Variants in ARPP21 observed in about 807,000 individuals in gnomAD.
ARPP21 encodes the protein cAMP regulated phosphoprotein 21.
A neutral mutation model predicts 113.2 loss-of-function variants in ARPP21; 69 were observed. The ratio of observed to expected loss-of-function variants is 0.61; its 90% confidence interval spans 0.50 to 0.74. ARPP21 has a LOEUF of 0.74. Among genes scored for constraint, ARPP21 ranks in the 30% least tolerant of loss-of-function variants. The pLI, the probability that ARPP21 is intolerant of heterozygous loss-of-function variation, is 0.00. For synonymous variants in ARPP21, 368 were observed against 375.5 expected, an observed-to-expected ratio of 0.98 and a Z score of 0.23; for missense variants, 1,070 against 1,037.4, an observed-to-expected ratio of 1.03 and a Z score of -0.43.
chr3:35,685,330 TG>T (rs2080223638), intron 5 of ARPP21: 2 of 985,190 alleles, frequency 2.0e-6, no homozygotes, highest in Admixed American at 1.2e-4. Flanking sequence ...AGACTAGCTT[TG>T]TAGGAGAGAA....
chr3:35,693,831 A>C (rs960176791), intron 9 of ARPP21, among the ~76,000 whole-genome samples: 1 of 151,646 alleles, frequency 6.6e-6, no homozygotes, highest in African/African-American at 2.4e-5. Context: ...TGAGAATCCC[A>C]TGTGAGTTTT....
At chr3:35,644,772 C>T (rs1699537734) in intron 1 of ARPP21, among the ~76,000 whole-genome samples, 1 of 151,874 alleles carries the variant, frequency 6.6e-6, no homozygotes, top group Non-Finnish European at 1.5e-5. Context: ...TTTTAGTCAC[C>T]AGTATAGATC....
intron 6 of ARPP21, among the ~76,000 whole-genome samples, chr3:35,688,930 A>G (rs1489117913): frequency 6.7e-6 from 1 of 148,690 alleles, no homozygotes; most frequent in Non-Finnish European, 1.5e-5. Context: ...GTTCCATGGG[A>G]TCTCAAACTC....
chr3:35,754,748 C>T (rs2095517638), intron 19 of ARPP21, among the ~76,000 whole-genome samples: 1 of 151,934 alleles, frequency 6.6e-6, no homozygotes, highest in African/African-American at 2.4e-5. Context: ...TTGTTCAGCA[C>T]ATTTGCAGTA....
chr3:35,717,201 A>T, intron 12 of ARPP21, 97 bp from the exon 13 acceptor site: 1 of 673,310 alleles, frequency 1.5e-6, no homozygotes, highest in East Asian at 2.5e-5. Context: ...TTTGTATGGG[A>T]TTGATTTGTG....
chr3:35,720,819 A>C (rs2092984821), intron 13 of ARPP21, among the ~76,000 whole-genome samples: 1 of 151,750 alleles, frequency 6.6e-6, no homozygotes, highest in East Asian at 1.9e-4. Flanking sequence ...CAATACATTT[A>C]CTCTTTTTTC....
At chr3:35,654,002 G>A (rs903814094) in intron 1 of ARPP21, among the ~76,000 whole-genome samples, 1 of 151,802 alleles carries the variant, frequency 6.6e-6, no homozygotes, top group Non-Finnish European at 1.5e-5. Context: ...AAAAAAATAA[G>A]GAAAAAATAC....
intron 19 of ARPP21, among the ~76,000 whole-genome samples, chr3:35,769,118 A>G (rs1205905627): frequency 6.6e-6 from 1 of 152,186 alleles, no homozygotes; most frequent in African/African-American, 2.4e-5. Flanking sequence ...TTATATATGC[A>G]TATGATTATA....
chr3:35,728,666 A>G (rs1015897204), intron 14 of ARPP21, among the ~76,000 whole-genome samples: 1 of 152,156 alleles, frequency 6.6e-6, no homozygotes, highest in Non-Finnish European at 1.5e-5. Flanking sequence ...CCTGACACTC[A>G]ATCACATTCT....
chr3:35,694,106 GA>G (rs1252824515), intron 9 of ARPP21, among the ~76,000 whole-genome samples: 1 of 151,494 alleles, frequency 6.6e-6, no homozygotes, highest in Non-Finnish European at 1.5e-5. Context: ...TTATTTCCCA[GA>G]ATCCTGATTT....
At chr3:35,771,980 A>C (rs960596182) in intron 19 of ARPP21, among the ~76,000 whole-genome samples, 1 of 152,220 alleles carries the variant, frequency 6.6e-6, no homozygotes, top group African/African-American at 2.4e-5. Flanking sequence ...AGAAAATCTA[A>C]TTCACATCAG....
chr3:35,718,471 G>T (rs1046397421), intron 13 of ARPP21, among the ~76,000 whole-genome samples: 3 of 152,028 alleles, frequency 2.0e-5, no homozygotes, highest in African/African-American at 7.2e-5. Context: ...TTTGTTTAGG[G>T]TGATATAGAT....
At chr3:35,675,742 G>A (rs1484010405) in intron 1 of ARPP21, among the ~76,000 whole-genome samples, 4 of 151,642 alleles carry the variant, frequency 2.6e-5, no homozygotes, top group Non-Finnish European at 5.9e-5. Flanking sequence ...TATTCTTGCC[G>A]TGTCCACATT....
chr3:35,748,067 G>GAAGAAAGGAAGAAAGA lies in ARPP21; in HGVS notation c.2137+4109_2137+4110insGAAGAAAGAAAGAAAG, dbSNP rs2095203076. ...GAGAGAAAGAAAAGGAAGAAGGAAG[G>GAAGAAAGGAAGAAAGA]AAGAAAGAAAGAAAGAAAGAAAGAA... On this transcript the variant is annotated intron_variant, in intron 19 of 20. Transcript: ENST00000684406. Among the ~76,000 whole-genome samples the GAAGAAAGGAAGAAAGA allele has an allele frequency of 5.7e-5, 5 of 86,958 alleles. No homozygotes were observed. In the South Asian group the frequency reaches 2.2e-3, roughly 39 times the overall value. 57.0% of individuals were successfully genotyped at this position (86,958 alleles called of 152,430 possible).
intron 1 of ARPP21, among the ~76,000 whole-genome samples, chr3:35,645,785 T>C (rs1699986997): frequency 6.6e-6 from 1 of 151,984 alleles, no homozygotes; most frequent in Admixed American, 6.6e-5. Flanking sequence ...AGAAGTGGTT[T>C]TCATATACTT....
intron 19 of ARPP21, among the ~76,000 whole-genome samples, chr3:35,767,358 T>G (rs1478199037): frequency 6.6e-6 from 1 of 152,148 alleles, no homozygotes; most frequent in African/African-American, 2.4e-5. Flanking sequence ...AAGGCAAAAA[T>G]AATCTAACTT....
intron 19 of ARPP21, chr3:35,774,689 A>G (rs901003364): frequency 1.3e-5 from 2 of 152,208 alleles, no homozygotes; most frequent in Non-Finnish European, 2.9e-5. Context: ...GAGAAATTTT[A>G]TTCAAATTGC....
chr3:35,750,462 T>C (rs1332421037), intron 19 of ARPP21, among the ~76,000 whole-genome samples: 3 of 152,162 alleles, frequency 2.0e-5, no homozygotes, highest in Non-Finnish European at 4.4e-5. Context: ...TATAAAATTT[T>C]TGAGGTGGTT....
At chr3:35,792,164 A>G (rs903411705) in intron 19 of ARPP21, 5 of 539,888 alleles carry the variant, frequency 9.3e-6, no homozygotes, top group Non-Finnish European at 1.7e-5. Context: ...CTGCATAACA[A>G]TAGAAATGTC....
Sources: allele counts gnomAD v4.1 joint callset (sites outside exome capture counted in the v4.1 genomes callset), GRCh38; gene constraint gnomAD v4.1.1; transcripts MANE v1.5; gene names NCBI Gene and HGNC (gene_info 2026-07-23, HGNC 2026-07-21).